RHBDD1: variants seen among roughly 807,000 people sequenced by gnomAD.
RHBDD1 encodes the protein rhomboid domain containing 1.
A neutral mutation model predicts 36.3 loss-of-function variants in RHBDD1; 38 were observed. The ratio of observed to expected loss-of-function variants is 1.05; its 90% confidence interval spans 0.81 to 1.37. The LOEUF is 1.37. RHBDD1 is among the 40% of genes most tolerant of loss of function. The pLI is 0.00. For synonymous variants in RHBDD1, 151 were observed against 136.5 expected (o/e 1.11, Z -0.74); for missense variants, 393 against 377.6 (o/e 1.04, Z -0.34).
intron 1 of RHBDD1, among the ~76,000 whole-genome samples, chr2:226,837,301 T>C (rs532175473): frequency 6.6e-6 from 1 of 152,356 alleles, no homozygotes; most frequent in African/African-American, 2.4e-5. Context: ...TAGTTTGTGC[T>C]GGAAGGATTC....
At chr2:226,909,699 CAAG>C (rs1948377150) in intron 7 of RHBDD1, among the ~76,000 whole-genome samples, 1 of 152,074 alleles carries the variant, frequency 6.6e-6, no homozygotes, top group Non-Finnish European at 1.5e-5. Context: ...CATGAGGATA[CAAG>C]AAGTCAGCAG....
chr2:226,823,057 C>G, the RHBDD1 span, among the ~76,000 whole-genome samples: 1 of 152,092 alleles, frequency 6.6e-6, no homozygotes, highest in Non-Finnish European at 1.5e-5. Context: ...ACCCGGGAGG[C>G]AGAGGTTGCA....
At position 226,908,759 on chromosome 2, in the gene RHBDD1, TG is replaced by T. The variant is rs367634663; in HGVS notation, c.656-61del. 2.7e-4 allele frequency: 290 copies of T among 1,094,026 alleles called. 2 individuals carry two copies. The East Asian group carries it at 5.4e-3, about 20-fold the overall frequency. 67.8% of individuals were successfully genotyped at this position (1,094,026 alleles called of 1,614,324 possible). ...TTTGTCCAGAGAACTTTCTAATTAC[TG>T]GAACAATTAGCATTTAAAGCTTTAT... On this transcript the variant is annotated intron_variant, in intron 6 of 8. Transcript: ENST00000392062.
intron 6 of RHBDD1, chr2:226,908,614 C>CACACACAT (rs1948252887): frequency 3.5e-6 from 2 of 567,888 alleles, no homozygotes; most frequent in East Asian, 3.0e-5. Context: ...CACACACACA[C>CACACACAT]ACACACATTC....
At chr2:226,871,741 T>C (rs1276903898) in intron 5 of RHBDD1, among the ~76,000 whole-genome samples, 1 of 152,222 alleles carries the variant, frequency 6.6e-6, no homozygotes, top group Non-Finnish European at 1.5e-5. Flanking sequence ...AAAGGCTTAA[T>C]TAGATTCAGA....
intron 3 of RHBDD1, among the ~76,000 whole-genome samples, chr2:226,861,602 G>T (rs1033831195): frequency 6.6e-6 from 1 of 152,232 alleles, no homozygotes; most frequent in Admixed American, 6.5e-5. Flanking sequence ...CAATGATATT[G>T]AAGGGTTTAT....
chr2:226,857,094 AGAGT>A (rs1943403322), intron 3 of RHBDD1, among the ~76,000 whole-genome samples: 1 of 127,672 alleles, frequency 7.8e-6, no homozygotes, highest in African/African-American at 4.5e-5. Context: ...AAAGTGTAAG[AGAGT>A]GTGTGTGTGT....
chr2:226,913,154 T>G (rs1257186288), intron 7 of RHBDD1, among the ~76,000 whole-genome samples: 1 of 151,944 alleles, frequency 6.6e-6, no homozygotes, highest in East Asian at 1.9e-4. Flanking sequence ...CTGGATTGTG[T>G]TTTTTTTCTG....
intron 8 of RHBDD1, among the ~76,000 whole-genome samples, chr2:226,948,731 A>C (rs1376065906): frequency 1.3e-5 from 2 of 152,148 alleles, no homozygotes; most frequent in Non-Finnish European, 2.9e-5. Context: ...GAAAAGCAAC[A>C]CAAGACAAGG....
At chr2:226,803,814 G>C in the RHBDD1 span, among the ~76,000 whole-genome samples, 1 of 152,164 alleles carries the variant, frequency 6.6e-6, no homozygotes, top group Non-Finnish European at 1.5e-5. Context: ...CCAATTAAAA[G>C]AGAGCTGAAA....
At chr2:226,839,021 G>A (rs1466327480) in intron 2 of RHBDD1, among the ~76,000 whole-genome samples, 1 of 152,224 alleles carries the variant, frequency 6.6e-6, no homozygotes, top group Non-Finnish European at 1.5e-5. Context: ...ATGAGAAAAT[G>A]CTGTTAGCCC....
intron 3 of RHBDD1, among the ~76,000 whole-genome samples, chr2:226,845,952 G>A: frequency 6.6e-6 from 1 of 152,222 alleles, no homozygotes; most frequent in African/African-American, 2.4e-5. Context: ...ACAGTTAGTA[G>A]TTTGACCTTG....
the RHBDD1 span, chr2:226,810,975 C>G: frequency 2.6e-5 from 4 of 152,220 alleles, no homozygotes; most frequent in African/African-American, 9.7e-5. Context: ...CCCACTCCCC[C>G]AGGTGACCTT....
the RHBDD1 span, among the ~76,000 whole-genome samples, chr2:226,818,309 G>A: frequency 1.7e-4 from 25 of 150,290 alleles, no homozygotes; most frequent in African/African-American, 5.1e-4. Context: ...ACAGGCGCCC[G>A]CCACCACACC....
chr2:226,867,412 CAGTG>C, intron 5 of RHBDD1, 94 bp downstream of exon 5: 2 of 1,342,454 alleles, frequency 1.5e-6, no homozygotes, highest in Non-Finnish European at 2.0e-6. Context: ...TTGTTTTTCA[CAGTG>C]AGGTTTATTC....
the RHBDD1 span, among the ~76,000 whole-genome samples, chr2:226,803,348 G>A: frequency 6.6e-6 from 1 of 152,088 alleles, no homozygotes; most frequent in African/African-American, 2.4e-5. Flanking sequence ...GAGAGAGAGA[G>A]AGATGTCAAA....
chr2:226,824,290 T>G, the RHBDD1 span, among the ~76,000 whole-genome samples: 1 of 152,186 alleles, frequency 6.6e-6, no homozygotes, highest in Admixed American at 6.5e-5. Flanking sequence ...TATTTCTAAG[T>G]AAATTTGAAG....
intron 3 of RHBDD1, among the ~76,000 whole-genome samples, chr2:226,856,215 T>C (rs1943303057): frequency 6.6e-6 from 1 of 152,224 alleles, no homozygotes; most frequent in Non-Finnish European, 1.5e-5. Context: ...ACAATTTACA[T>C]GTTATTCAAA....
At chr2:226,949,299 G>A (rs2149209762) in intron 8 of RHBDD1, among the ~76,000 whole-genome samples, 1 of 152,246 alleles carries the variant, frequency 6.6e-6, no homozygotes, top group South Asian at 2.1e-4. Context: ...CCAAAAAAGA[G>A]TCTGTATAGC....
Sources: gnomAD v4.1 joint callset for allele counts (sites outside exome capture counted in the v4.1 genomes callset) on GRCh38, gnomAD v4.1.1 for gene constraint, MANE v1.5 for transcripts, NCBI Gene and HGNC (gene_info 2026-07-23, HGNC 2026-07-21) for gene names.